The following SLC14A1 variants were observed in gnomAD, a reference collection of about 807,000 sequenced individuals.
SLC14A1 encodes solute carrier family 14 member 1 (Kidd blood group).
SLC14A1 carries 36 observed loss-of-function variants against 39.6 expected under a neutral mutation model. That is an observed-to-expected ratio of 0.91 (90% CI 0.70 to 1.20). SLC14A1 has a LOEUF of 1.20. Ranked by LOEUF, SLC14A1 falls within the 50% of genes most tolerant of loss-of-function variation. The probability of loss-of-function intolerance (pLI) is 0.00; values close to 1 mark genes in which losing one functional copy is unlikely to be tolerated. For synonymous variants in SLC14A1, 164 were observed against 173.6 expected (o/e 0.94, Z 0.43); for missense variants, 469 against 478.7 (o/e 0.98, Z 0.19).
chr18:45,739,084 T>C (rs2047279943), intron 6 of SLC14A1, 79 bp from the exon 7 acceptor site: 3 of 1,415,628 alleles, frequency 2.1e-6, no homozygotes, highest in Non-Finnish European at 3.0e-6. Context: ...TAAAATTACA[T>C]TGTAGGAGTT....
chr18:45,751,907 T>C lies in SLC14A1; in HGVS notation c.*1956T>C. 1.0e-6 allele frequency: 1 copy of C among 985,296 alleles called. No individual in the cohort carries two copies. The highest frequency in any genetic ancestry group is 4.7e-5 in the South Asian group (1 of 21,278). 61.0% of individuals were successfully genotyped at this position (985,296 alleles called of 1,614,324 possible). A position where few individuals can be genotyped will look rare whatever the true frequency, so the allele number is the denominator to read the frequency against. On this transcript the variant is annotated 3_prime_UTR_variant, in exon 10 of 10. Coordinates refer to ENST00000321925, the MANE Select transcript of SLC14A1 (RefSeq NM_015865.7). ...AAGTGAAACGTAGGAATCCTGAAGA[T>C]TTTTTCCACTTCTAGTTTGCAGTGC...
chr18:45,746,914 G>C (rs1193205871), intron 8 of SLC14A1, among the ~76,000 whole-genome samples: 3 of 152,234 alleles, frequency 2.0e-5, no homozygotes, highest in Non-Finnish European at 4.4e-5. Flanking sequence ...GCTGGGATTT[G>C]AAACCAGTAC....
chr18:45,727,325 T>C (rs1328884670), intron 2 of SLC14A1: 2 of 1,551,634 alleles, frequency 1.3e-6, no homozygotes, highest in Non-Finnish European at 1.7e-6. Flanking sequence ...ATGGTCCTGT[T>C]TGGAAGGACC....
chr18:45,747,555 C>A (rs556416393), intron 8 of SLC14A1, among the ~76,000 whole-genome samples: 177 of 151,672 alleles, frequency 1.2e-3, no homozygotes, highest in African/African-American at 4.1e-3. Context: ...ATTAGCTGGG[C>A]GTAGTGGTGG....
At chr18:45,725,651 C>A (rs1055774489) in intron 2 of SLC14A1, among the ~76,000 whole-genome samples, 4 of 152,182 alleles carry the variant, frequency 2.6e-5, no homozygotes, top group African/African-American at 9.6e-5. Flanking sequence ...TTGACTTGAA[C>A]CGAACCTTGG....
chr18:45,749,558 T>C (rs1035926854), intron 9 of SLC14A1, among the ~76,000 whole-genome samples: 7 of 151,994 alleles, frequency 4.6e-5, no homozygotes, highest in Admixed American at 4.6e-4. Context: ...ACATACAAGA[T>C]AGAGACATAA....
At chr18:45,731,406 T>G (rs914136903) in intron 4 of SLC14A1, 9 of 637,442 alleles carry the variant, frequency 1.4e-5, no homozygotes, top group African/African-American at 3.6e-5. Context: ...ATGGCTGGTC[T>G]AAATGATGCC....
intron 8 of SLC14A1, among the ~76,000 whole-genome samples, chr18:45,745,341 G>A (rs978683830): frequency 2.0e-5 from 3 of 152,124 alleles, no homozygotes; most frequent in Admixed American, 6.5e-5. Flanking sequence ...GGGAGCTCAC[G>A]TTTCCCTCGG....
rs761764746 is a variant in SLC14A1 at position 45,730,456 on chromosome 18, G to T, written c.136G>T (p.Ala46Ser). ...GYVTGDMKEL[A>S]NQLKDKPVVL... is the part of the protein sequence containing the mutation. The stretch of plus-strand genomic sequence containing the variant: ...TGTCACCGGTGACATGAAAGAACTT[G>T]CCAACCAGCTTAAAGGTATTTATCC... Residue 46 changes from alanine (A) to serine (S), a missense_variant, in exon 3 of 10, where the codon GCC becomes TCC. Physicochemically the swap from Ala to Ser is moderately conservative, Grantham distance 99 (BLOSUM62 1). Coordinates refer to ENST00000321925, the MANE Select transcript of SLC14A1 (RefSeq NM_015865.7). The T allele has an allele frequency of 1.5e-5, 24 of 1,614,060 alleles. 1 individual carries two copies. The highest frequency in any genetic ancestry group is 2.5e-6 in the Non-Finnish European group (3 of 1,180,030).
chr18:45,725,747 G>A (rs543708664), intron 2 of SLC14A1, among the ~76,000 whole-genome samples: 4 of 152,294 alleles, frequency 2.6e-5, no homozygotes, highest in East Asian at 1.9e-4. Context: ...TGCCTGCCAC[G>A]TACTGAGTGA....
chr18:45,734,251 G>T, intron 4 of SLC14A1, 23 bp from the exon 5 acceptor site: 1 of 1,613,658 alleles, frequency 6.2e-7, no homozygotes, highest in Non-Finnish European at 8.5e-7. Context: ...GGAAATGTCC[G>T]TGCTGTGTCT....
chr18:45,737,434 C>T (rs1272137460), intron 6 of SLC14A1: 5 of 152,142 alleles, frequency 3.3e-5, no homozygotes, highest in Admixed American at 6.5e-5. Flanking sequence ...AAGAGAACAC[C>T]TGAAATTAGA....
At position 45,739,938 on chromosome 18, in the gene SLC14A1, C is replaced by T; in HGVS notation, c.946+276C>T. The T allele has an allele frequency of 8.1e-6, 4 of 493,682 alleles. 1 individual carries two copies. The South Asian group carries it at 8.3e-5, about 10-fold the overall frequency. 30.6% of individuals were successfully genotyped at this position (493,682 alleles called of 1,614,324 possible). On this transcript the variant is annotated intron_variant, in intron 8 of 9. Coordinates refer to ENST00000321925, the MANE Select transcript of SLC14A1 (RefSeq NM_015865.7). ...TTTGGGAGGATAGAAAAAGAAAAAT[C>T]CCAGTTATTCTTCAGCTTTATCCCC...
At chr18:45,725,093 C>T (rs1298632677) in intron 2 of SLC14A1, 80 bp downstream of exon 2, 1 of 152,188 alleles carries the variant, frequency 6.6e-6, no homozygotes, top group Non-Finnish European at 1.5e-5. Flanking sequence ...TCTTCTATAT[C>T]CATATCCAAC....
At chr18:45,731,585 G>T (rs28994289) in intron 4 of SLC14A1, 2 of 334,626 alleles carry the variant, frequency 6.0e-6, no homozygotes, top group South Asian at 2.6e-5. Context: ...AATAACCCCC[G>T]TTATATCTTG....
rs2047671214 is a variant in SLC14A1 at position 45,750,222 on chromosome 18, A to G, written c.*271A>G. The stretch of plus-strand genomic sequence containing the variant: ...CTAAGACTGGAATGTATATAAAGTC[A>G]AAGTGCTCCAACAGAAGGAGGAAGT... On this transcript the variant is annotated 3_prime_UTR_variant, in exon 10 of 10. Coordinates refer to ENST00000321925, the MANE Select transcript of SLC14A1 (RefSeq NM_015865.7). 1 of 1,370,970 alleles carries G rather than the reference A, an allele frequency of 7.3e-7. No individual in the cohort carries two copies. The allele number at this position is 1,370,970 out of a possible 1,614,324, so 84.9% of individuals were successfully genotyped here.
Position 45,751,781 on chromosome 18 carries a change from CA to C in SLC14A1, c.*1837del, listed in dbSNP as rs2144878569. 2.4e-6 allele frequency: 2 copies of C among 820,850 alleles called. No individual in the cohort carries two copies. The highest frequency in any genetic ancestry group is 2.9e-6 in the Non-Finnish European group (2 of 685,726). 50.8% of individuals were successfully genotyped at this position (820,850 alleles called of 1,614,324 possible). ...TGTGTGACCGAGCAAGACCCTATCT[CA>C]AAAAAATTAATTAATTAATTAATTA... On this transcript the variant is annotated 3_prime_UTR_variant, in exon 10 of 10. Coordinates refer to ENST00000321925, the MANE Select transcript of SLC14A1 (RefSeq NM_015865.7).
At chr18:45,749,024 A>G (rs888892664) in intron 9 of SLC14A1, among the ~76,000 whole-genome samples, 2 of 152,170 alleles carry the variant, frequency 1.3e-5, no homozygotes, top group Admixed American at 6.5e-5. Flanking sequence ...CAGTCCCAGG[A>G]CCCAAATGGG....
intron 4 of SLC14A1, among the ~76,000 whole-genome samples, chr18:45,732,671 C>G (rs2047067159): frequency 6.6e-6 from 1 of 152,202 alleles, no homozygotes. Flanking sequence ...TATAGCACCT[C>G]CTGCTCGAGC....
Sources: allele counts gnomAD v4.1 joint callset (sites outside exome capture counted in the v4.1 genomes callset), GRCh38; gene constraint gnomAD v4.1.1; transcripts MANE v1.5; gene names NCBI Gene and HGNC (gene_info 2026-07-23, HGNC 2026-07-21).